WDR35: variants seen among roughly 807,000 people sequenced by gnomAD.
WDR35 encodes the protein WD repeat-containing protein 35.
In WDR35, 118 loss-of-function variants were observed where a neutral mutation model predicts 158.3. That is an observed-to-expected ratio of 0.75 (90% CI 0.64 to 0.87). The LOEUF (loss-of-function observed/expected upper bound fraction) is 0.87. Ranked by LOEUF, WDR35 falls within the 40% of genes least tolerant of loss-of-function variation. The pLI, the probability that WDR35 is intolerant of heterozygous loss-of-function variation, is 0.00. For synonymous variants in WDR35, 448 were observed against 476.1 expected (o/e 0.94, Z 0.77); for missense variants, 1,263 against 1,405.8 (o/e 0.90, Z 1.62).
chr2:19,969,167 A>C (rs1671953812), intron 9 of WDR35, among the ~76,000 whole-genome samples: 1 of 152,130 alleles, frequency 6.6e-6, no homozygotes, highest in Non-Finnish European at 1.5e-5. Flanking sequence ...ATTGACGCTA[A>C]TCTTTGGGTG....
chr2:19,946,374 T>G (rs1671052803), intron 15 of WDR35, 87 bp downstream of exon 15: 1 of 1,109,790 alleles, frequency 9.0e-7, no homozygotes, highest in East Asian at 2.4e-5. Context: ...GACACGCCCA[T>G]CTTTACATTT....
Position 19,969,837 on chromosome 2 carries a change from T to C in WDR35, c.883-232A>G, listed in dbSNP as rs532362643. On this transcript the variant is annotated intron_variant, in intron 8 of 26. Transcript: ENST00000281405. The stretch of plus-strand genomic sequence containing the variant: ...ATCTCGGCTCACTGCAAGCTCCGCC[T>C]CCCAGGTTCACGCCATTCTCCTGCC... Among the ~76,000 whole-genome samples the C allele has an allele frequency of 1.5e-4, 23 of 151,242 alleles. No homozygotes were observed. In the South Asian group the frequency reaches 4.8e-3, roughly 32 times the overall value.
At chr2:19,915,634 A>C (rs913824984) in intron 25 of WDR35, among the ~76,000 whole-genome samples, 6 of 151,928 alleles carry the variant, frequency 3.9e-5, no homozygotes, top group Non-Finnish European at 8.8e-5. Flanking sequence ...CATAAAAATA[A>C]TTTTTATATA....
At chr2:19,976,480 C>A (rs2103457970) in intron 5 of WDR35, among the ~76,000 whole-genome samples, 1 of 152,234 alleles carries the variant, frequency 6.6e-6, no homozygotes. Context: ...CACCAATATT[C>A]AATATATCCA....
intron 2 of WDR35, among the ~76,000 whole-genome samples, chr2:19,984,228 T>C (rs1449118571): frequency 6.6e-6 from 1 of 152,130 alleles, no homozygotes; most frequent in African/African-American, 2.4e-5. Flanking sequence ...ACAAATATCA[T>C]CCACATCTGA....
At chr2:19,917,890 G>C (rs1170629947) in intron 25 of WDR35, among the ~76,000 whole-genome samples, 2 of 152,110 alleles carry the variant, frequency 1.3e-5, no homozygotes, top group Non-Finnish European at 2.9e-5. Flanking sequence ...GAAATACACA[G>C]AACACCATAA....
Position 19,931,288 on chromosome 2 carries a change from AC to A in WDR35, c.2944del (p.Val982LeufsTer57). On this transcript the variant is annotated frameshift_variant, in exon 24 of 27. Coordinates refer to ENST00000281405, the MANE Select transcript of WDR35 (RefSeq NM_020779.4). LOFTEE classifies it high-confidence loss of function. ...EQMKNAQRGKVKGKSSEATSA... is the reference protein window; with the variant it reads ...EQMKNAQRGKXKGKSSEATSA... ...CTTTACCTCTGAACTTTTTCCTTTA[AC>A]TTTTCCTCGCTGGGCATTCTTCATC... 6.2e-7 allele frequency: 1 copy of A among 1,613,098 alleles called. No homozygotes were observed. Among genetic ancestry groups the A allele is most frequent in the African/African-American group, 1.3e-5 (1 of 74,920 alleles).
chr2:19,930,181 C>T (rs1473063965), intron 25 of WDR35, among the ~76,000 whole-genome samples: 1 of 151,642 alleles, frequency 6.6e-6, no homozygotes, highest in Non-Finnish European at 1.5e-5. Flanking sequence ...ATTCTTTTTG[C>T]TTATCTCAAA....
rs1338705830 is a variant in WDR35, at chr2:19,964,445, G to A, written c.1194+2279C>T. On this transcript the variant is annotated intron_variant, in intron 10 of 26. Coordinates refer to ENST00000281405, the MANE Select transcript of WDR35 (RefSeq NM_020779.4). ...GTCTCCCAGGCTGGAGTGCAGTGGC[G>A]TGATCTCGGCCCACCGCAACCTCCG... Among the ~76,000 whole-genome samples, 9 of 143,612 alleles carry A rather than the reference G, an allele frequency of 6.3e-5. No homozygotes were observed. The East Asian group carries it at 1.9e-3, about 30-fold the overall frequency. 94.2% of individuals were successfully genotyped at this position (143,612 alleles called of 152,430 possible).
At position 19,949,998 on chromosome 2, in the gene WDR35, A is replaced by G. The variant is rs180721847; in HGVS notation, c.1470+1417T>C. ...AATTTCTTGCTATCCAGATGGCAAG[A>G]AATATGTTATTCAGAAATTGAAAAA... On this transcript the variant is annotated intron_variant, in intron 13 of 26. Coordinates refer to ENST00000281405, the MANE Select transcript of WDR35 (RefSeq NM_020779.4). 3.9e-5 allele frequency among the ~76,000 whole-genome samples: 6 copies of G among 152,324 alleles called. No individual in the cohort carries two copies. In the East Asian group the frequency reaches 9.6e-4, roughly 24 times the overall value.
Position 19,945,853 on chromosome 2 carries a change from T to C in WDR35, c.1778A>G (p.Asp593Gly), listed in dbSNP as rs1558337357. 6.2e-7 allele frequency: 1 copy of C among 1,614,032 alleles called. No individual in the cohort carries two copies. The highest frequency in any genetic ancestry group is 1.3e-5 in the African/African-American group (1 of 75,062). Residue 593 changes from aspartate (D) to glycine (G), a missense_variant, in exon 16 of 27, where the codon GAT (aspartate) becomes GGT (glycine). Transcript: ENST00000281405. Reference protein sequence around the residue: ...RDVWDMKWAKDNPDLFAMMEK... With the variant: ...RDVWDMKWAKGNPDLFAMMEK... ...CATCATTGCAAACAAATCAGGATTA[T>C]CTTTGGCCCACTTCATATCCCAGAC...
At chr2:19,965,718 T>G (rs533671774) in intron 10 of WDR35, among the ~76,000 whole-genome samples, 2 of 152,288 alleles carry the variant, frequency 1.3e-5, no homozygotes, top group East Asian at 3.9e-4. Flanking sequence ...CCCCAGTCGT[T>G]GTAGGTGGCA....
chr2:19,938,718 T>C (rs1670777883), intron 17 of WDR35, among the ~76,000 whole-genome samples: 1 of 152,162 alleles, frequency 6.6e-6, no homozygotes, highest in Non-Finnish European at 1.5e-5. Context: ...TTAAATGAGA[T>C]AACATGTCTC....
intron 16 of WDR35, among the ~76,000 whole-genome samples, chr2:19,943,790 A>G (rs1224409924): frequency 6.6e-6 from 1 of 152,138 alleles, no homozygotes. Context: ...GAATATCAAC[A>G]TTAAATATTC....
chr2:19,943,145 C>T lies in WDR35; in HGVS notation c.1846-1306G>A, dbSNP rs142536340. ...GACAAATGGCTTAAAAAGCTTCTTGCAAAGAACTTGTAAATTAAAAGTAAT... is the reference window on the plus strand; with the variant it reads ...GACAAATGGCTTAAAAAGCTTCTTGTAAAGAACTTGTAAATTAAAAGTAAT... On this transcript the variant is annotated intron_variant, in intron 16 of 26. Transcript: ENST00000281405. Among the ~76,000 whole-genome samples the T allele has an allele frequency of 3.5e-3, 527 of 152,126 alleles. 6 individuals are homozygous for T. The highest frequency in any genetic ancestry group is 5.3e-3 in the Non-Finnish European group (361 of 67,948).
chr2:19,924,542 C>T (rs999783233), intron 25 of WDR35, among the ~76,000 whole-genome samples: 4 of 152,004 alleles, frequency 2.6e-5, no homozygotes, highest in Admixed American at 6.5e-5. Context: ...CCAGGCTGGG[C>T]GACAGAGTGA....
At chr2:19,916,271 C>T (rs1195638200) in intron 25 of WDR35, among the ~76,000 whole-genome samples, 3 of 152,212 alleles carry the variant, frequency 2.0e-5, no homozygotes, top group African/African-American at 7.2e-5. Context: ...TCGCTGCCCA[C>T]GCCACCGGGG....
At chr2:19,943,081 G>A (rs952590111) in intron 16 of WDR35, among the ~76,000 whole-genome samples, 5 of 151,802 alleles carry the variant, frequency 3.3e-5, no homozygotes, top group African/African-American at 1.2e-4. Flanking sequence ...GTGAATTGAG[G>A]GATTGTATTA....
At chr2:19,942,276 G>C (rs1484761300) in intron 16 of WDR35, among the ~76,000 whole-genome samples, 1 of 152,048 alleles carries the variant, frequency 6.6e-6, no homozygotes, top group Non-Finnish European at 1.5e-5. Flanking sequence ...TCTTCATAAA[G>C]CTGATAAACA....
Sources: gnomAD v4.1 joint callset for allele counts (sites outside exome capture counted in the v4.1 genomes callset) on GRCh38, gnomAD v4.1.1 for gene constraint, MANE v1.5 for transcripts, NCBI Gene and HGNC (gene_info 2026-07-23, HGNC 2026-07-21) for gene names.